The following TMEM67 variants were observed in gnomAD, a reference collection of about 807,000 sequenced individuals.
TMEM67 encodes transmembrane protein 67.
Under a neutral mutation model 136.6 loss-of-function variants are expected in TMEM67, and 124 were observed. The ratio of observed to expected loss-of-function variants is 0.91; its 90% confidence interval spans 0.78 to 1.05. The LOEUF is 1.05. Ranked by LOEUF, TMEM67 falls within the 50% of genes least tolerant of loss-of-function variation. TMEM67 has a pLI of 0.00. For synonymous variants in TMEM67, 364 were observed against 390.5 expected, an observed-to-expected ratio of 0.93 and a Z score of 0.80; for missense variants, 1,107 against 1,178.4, an observed-to-expected ratio of 0.94 and a Z score of 0.89.
intron 7 of TMEM67, among the ~76,000 whole-genome samples, chr8:93,779,804 G>A (rs919481648): frequency 1.3e-5 from 2 of 152,182 alleles, no homozygotes; most frequent in Admixed American, 6.5e-5. Context: ...ACTGGGAGGT[G>A]TCTCCCAGTT....
chr8:93,809,033 A>ATTCAT, intron 24 of TMEM67, 24 bp from the exon 25 acceptor site: 1 of 1,551,968 alleles, frequency 6.4e-7, no homozygotes, highest in Non-Finnish European at 8.9e-7. Context: ...AACACTTTGT[A>ATTCAT]TTCATTTCTC....
Position 93,780,648 on chromosome 8 carries a change from T to C in TMEM67, c.770T>C (p.Met257Thr). 6.2e-7 allele frequency: 1 copy of C among 1,614,192 alleles called. No homozygotes were observed. The highest frequency in any genetic ancestry group is 1.1e-5 in the South Asian group (1 of 91,086). Residue 257 changes from methionine (M) to threonine (T), a missense_variant, in exon 8 of 28, where the codon ATG becomes ACG. This residue lies in a region of TMEM67 where 925 missense variants were observed against 1,002.4 expected (regional missense o/e 0.92). Coordinates refer to ENST00000453321, the MANE Select transcript of TMEM67 (RefSeq NM_153704.6). ...QALGNMCVMN[M>T]NSYDFATFDA... ...CTTGGAAATATGTGTGTGATGAACA[T>C]GAATTCTTACGACTTTGCCACATTT...
At chr8:93,823,965 C>A (rs1163730318), downstream of TMEM67, among the ~76,000 whole-genome samples, 1 of 151,948 alleles carries the variant, frequency 6.6e-6, no homozygotes, top group Non-Finnish European at 1.5e-5. Flanking sequence ...GGTGACAGAC[C>A]AAGCTCAGAA....
Position 93,799,682 on chromosome 8 carries a change from G to C in TMEM67, c.2165G>C (p.Ser722Thr), listed in dbSNP as rs1038749740. The C allele has an allele frequency of 1.2e-6, 2 of 1,613,752 alleles. No homozygotes were observed. Among genetic ancestry groups the C allele is most frequent in the Admixed American group, 1.7e-5 (1 of 60,006 alleles). Residue 722 changes from serine to threonine, a missense_variant, in exon 21 of 28, where the codon AGC becomes ACC. Ser to Thr is a moderately conservative substitution (Grantham distance 58). Around this residue, in one of 3 missense-constraint regions of TMEM67, gnomAD observed 925 missense variants for 1,002.4 expected, o/e 0.92. Transcript: ENST00000453321. ...SSSSLSRNPP[S>T]YIAPYSCILR... is the part of the protein sequence containing the mutation. ...TCTAGTCTTTCTAGAAACCCACCTA[G>C]CTACATAGCTCCTTATAGCTGCATT...
rs587779735 is a variant in TMEM67, at chr8:93,755,751, CTTTTTTTTTTTT to C, written c.224-14_224-3del. The C allele has an allele frequency of 6.3e-6, 4 of 632,468 alleles. No individual in the cohort carries two copies. The highest frequency in any genetic ancestry group is 3.0e-5 in the African/African-American group (1 of 32,888). The allele number at this position is 632,468 out of a possible 1,614,324, so 39.2% of individuals were successfully genotyped here. A position where few individuals can be genotyped will look rare whatever the true frequency, so the allele number is the denominator to read the frequency against. On this transcript the variant is annotated splice_polypyrimidine_tract_variant and intron_variant, in intron 1 of 27. Transcript: ENST00000453321. ...TTTTATTTATCAAGGATAAAATTGG[CTTTTTTTTTTTT>C]TTTTTTTTTTTTAGGAACTTCATGT...
In TMEM67 at chr8:93,793,189, G is replaced by T. The variant is rs760002634; in HGVS notation, c.1576-9G>T. On this transcript the variant is annotated splice_polypyrimidine_tract_variant and intron_variant, in intron 15 of 27. Transcript: ENST00000453321. Reference sequence around the variant, plus strand: ...TACATAAATTCTCAATTGTTCTTTTGTTTTTTAGATTGCTTTGGGTGTATT... The same window carrying T: ...TACATAAATTCTCAATTGTTCTTTTTTTTTTTAGATTGCTTTGGGTGTATT... 2 of 1,611,694 alleles carry T rather than the reference G, an allele frequency of 1.2e-6. No homozygotes were observed. Among genetic ancestry groups the T allele is most frequent in the Admixed American group, 3.3e-5 (2 of 59,966 alleles).
At position 93,785,324 on chromosome 8, in the gene TMEM67, G is replaced by T. The variant is rs1417101803; in HGVS notation, c.1234G>T (p.Ala412Ser). ...TGAAAATCAACATCAATATATTTTG[G>T]CTGTGCCTGTGTTAAACCTAAATCT... ...TDENQHQYIL[A>S]VPVLNLNLQH... The change falls in exon 12 of 28, where the codon GCT becomes TCT. Residue 412 changes from alanine to serine, a missense_variant. Around this residue, in one of 3 missense-constraint regions of TMEM67, gnomAD observed 925 missense variants for 1,002.4 expected, o/e 0.92. Coordinates refer to ENST00000453321, the MANE Select transcript of TMEM67 (RefSeq NM_153704.6). The T allele has an allele frequency of 6.2e-7, 1 of 1,610,414 alleles. No individual in the cohort carries two copies. The highest frequency in any genetic ancestry group is 1.3e-5 in the African/African-American group (1 of 74,728).
intron 15 of TMEM67, chr8:93,791,777 TAATA>T (rs1421715541): frequency 6.5e-6 from 1 of 152,972 alleles, no homozygotes; most frequent in Admixed American, 6.5e-5. Flanking sequence ...GATGCTATAA[TAATA>T]AATAAAAATA....
At chr8:93,795,535 C>T (rs1284531401) in intron 17 of TMEM67, 28 bp downstream of exon 17, 1 of 1,508,638 alleles carries the variant, frequency 6.6e-7, no homozygotes, top group Non-Finnish European at 9.2e-7. Context: ...TTTTCCCCAA[C>T]TGCCAATATC....
chr8:93,812,874 T>G (rs1189483446), intron 26 of TMEM67, among the ~76,000 whole-genome samples: 3 of 152,076 alleles, frequency 2.0e-5, no homozygotes, highest in African/African-American at 4.8e-5. Context: ...GTGCTGGGAT[T>G]ACAGGCGTGT....
chr8:93,765,902 AG>A (rs1813063022), intron 6 of TMEM67, among the ~76,000 whole-genome samples: 1 of 152,198 alleles, frequency 6.6e-6, no homozygotes, highest in Non-Finnish European at 1.5e-5. Context: ...TGTTCTGTAT[AG>A]GATGCAGTAT....
rs752404927 is a variant in TMEM67, at chr8:93,795,391, CT to C, written c.1675-10del. ...CATGGAGTCTTAAACAGCTGTAATT[CT>C]TTTTTTTAAATTGCAGACAGTTGTG... On this transcript the variant is annotated splice_polypyrimidine_tract_variant and intron_variant, in intron 16 of 27. Coordinates refer to ENST00000453321, the MANE Select transcript of TMEM67 (RefSeq NM_153704.6). 9.4e-6 allele frequency: 15 copies of C among 1,602,648 alleles called. No homozygotes were observed. Among genetic ancestry groups the C allele is most frequent in the Non-Finnish European group, 1.2e-5 (14 of 1,169,920 alleles).
At chr8:93,786,498 A>G in intron 13 of TMEM67, 152 bp downstream of exon 13, 1 of 850,256 alleles carries the variant, frequency 1.2e-6, no homozygotes, top group East Asian at 2.7e-5. Flanking sequence ...AGACCAGTAA[A>G]AGTGAATAGC....
the TMEM67 span, among the ~76,000 whole-genome samples, chr8:93,831,662 A>ATGCATGTGCTTGTGTGTGTG: frequency 6.6e-6 from 1 of 151,908 alleles, no homozygotes; most frequent in Non-Finnish European, 1.5e-5. Context: ...GCATGAGTGC[A>ATGCATGTGCTTGTGTGTGTG]TGCATGTGCT....
At chr8:93,797,276 C>T in intron 19 of TMEM67, 43 bp downstream of exon 19, 1 of 1,612,094 alleles carries the variant, frequency 6.2e-7, no homozygotes. Flanking sequence ...TCTTTTGCTA[C>T]CCTTGCAGAG....
intron 6 of TMEM67, among the ~76,000 whole-genome samples, chr8:93,770,317 T>C (rs900484614): frequency 1.3e-5 from 2 of 152,194 alleles, no homozygotes; most frequent in African/African-American, 4.8e-5. Context: ...CCAAATACTT[T>C]AGGGTGGATC....
chr8:93,777,015 G>T (rs912787401), intron 7 of TMEM67, among the ~76,000 whole-genome samples: 1 of 152,098 alleles, frequency 6.6e-6, no homozygotes, highest in South Asian at 2.1e-4. Flanking sequence ...ATTGATTATT[G>T]CCTCAATTTC....
chr8:93,769,377 G>T (rs1480731144), intron 6 of TMEM67: 1 of 154,202 alleles, frequency 6.5e-6, no homozygotes, highest in Non-Finnish European at 1.5e-5. Flanking sequence ...AGGGCAGGGA[G>T]GAGAGGCGAG....
At chr8:93,782,317 A>G (rs1034172884) in intron 10 of TMEM67, 78 bp from the exon 11 acceptor site, 29 of 1,043,108 alleles carry the variant, frequency 2.8e-5, no homozygotes, top group Admixed American at 5.4e-5. Flanking sequence ...GCATATATCC[A>G]TGTTCGGGTT....
Sources: allele counts gnomAD v4.1 joint callset (sites outside exome capture counted in the v4.1 genomes callset), GRCh38; gene constraint gnomAD v4.1.1; regional missense constraint gnomAD v4.1.1; transcripts MANE v1.5; gene names NCBI Gene and HGNC (gene_info 2026-07-23, HGNC 2026-07-21).